Variants in PNLIPRP3 observed in about 807,000 individuals in gnomAD.
The protein encoded by PNLIPRP3 is pancreatic lipase related protein 3, also known as pancreatic lipase-related protein 3.
PNLIPRP3 carries 58 observed loss-of-function variants against 52.8 expected under a neutral mutation model. That is an observed-to-expected ratio of 1.10 (90% CI 0.89 to 1.37). The LOEUF is 1.37. PNLIPRP3 is among the 40% of genes most tolerant of loss of function. The pLI is 0.00. For synonymous variants in PNLIPRP3, 192 were observed against 185.0 expected, an observed-to-expected ratio of 1.04 and a Z score of -0.31; for missense variants, 593 against 561.6, an observed-to-expected ratio of 1.06 and a Z score of -0.57.
At chr10:116,444,034 A>T (rs1408985334) in intron 3 of PNLIPRP3, among the ~76,000 whole-genome samples, 7 of 151,862 alleles carry the variant, frequency 4.6e-5, no homozygotes, top group Non-Finnish European at 7.4e-5. Context: ...GGAAACTTAC[A>T]ATCACGGCGG....
At chr10:116,457,335 T>C (rs1846129622) in intron 5 of PNLIPRP3, among the ~76,000 whole-genome samples, 1 of 151,876 alleles carries the variant, frequency 6.6e-6, no homozygotes, top group Admixed American at 6.6e-5. Context: ...ACTGCTGTGC[T>C]CTGTGTGCAT....
At chr10:116,434,819 A>G (rs927624305) in intron 1 of PNLIPRP3, among the ~76,000 whole-genome samples, 2 of 152,216 alleles carry the variant, frequency 1.3e-5, no homozygotes, top group Non-Finnish European at 2.9e-5. Flanking sequence ...AAATTAGAAA[A>G]GGATCAGAAT....
At chr10:116,455,662 AT>A in intron 4 of PNLIPRP3, 59 bp from the exon 5 acceptor site, 1 of 1,204,910 alleles carries the variant, frequency 8.3e-7, no homozygotes, top group African/African-American at 1.5e-5. Flanking sequence ...TTTTTAAAGC[AT>A]ATTTAAGCTA....
At chr10:116,464,758 C>G (rs558131319) in intron 7 of PNLIPRP3, among the ~76,000 whole-genome samples, 1 of 152,226 alleles carries the variant, frequency 6.6e-6, no homozygotes, top group African/African-American at 2.4e-5. Context: ...GAGGTCTAAG[C>G]CCCCAGGAAA....
intron 10 of PNLIPRP3, among the ~76,000 whole-genome samples, chr10:116,473,943 G>A (rs1846416240): frequency 1.4e-5 from 1 of 73,590 alleles, no homozygotes; most frequent in South Asian, 6.2e-4. Context: ...AAATTCATAT[G>A]GAACCAAAAA....
chr10:116,439,796 C>T, intron 2 of PNLIPRP3: 1 of 774,094 alleles, frequency 1.3e-6, no homozygotes, highest in Non-Finnish European at 2.4e-6. Context: ...TTCTTCTTGC[C>T]TCCCTTAGCT....
In PNLIPRP3 at chr10:116,433,439, A is replaced by G. The variant is rs552585392; in HGVS notation, c.50-3272A>G. Among the ~76,000 whole-genome samples the G allele has an allele frequency of 4.8e-4, 73 of 152,328 alleles. 1 individual carries two copies. Among genetic ancestry groups the G allele is most frequent in the African/African-American group, 1.7e-3 (69 of 41,578 alleles). ...AAGAGGTACAAATGGCTAGAAATGC[A>G]CAAAAGGATATTCAAAGTTTCTGAT... On this transcript the variant is annotated intron_variant, in intron 1 of 11. Transcript: ENST00000369230.
intron 8 of PNLIPRP3, among the ~76,000 whole-genome samples, chr10:116,468,462 T>C (rs2133153704): frequency 6.6e-6 from 1 of 152,306 alleles, no homozygotes; most frequent in South Asian, 2.1e-4. Context: ...CTTGTCCGCG[T>C]GATTCAGGGA....
At chr10:116,439,386 A>G in intron 2 of PNLIPRP3, 1 of 523,758 alleles carries the variant, frequency 1.9e-6, no homozygotes, top group Non-Finnish European at 3.5e-6. Context: ...GACACTTCTC[A>G]GATAAGAAAT....
At position 116,446,211 on chromosome 10, in the gene PNLIPRP3, TG is replaced by T. The variant is rs1589979675; in HGVS notation, c.456+1700del. Among the ~76,000 whole-genome samples the T allele has an allele frequency of 2.0e-5, 3 of 151,964 alleles. No individual in the cohort carries two copies. The East Asian group carries it at 5.8e-4, about 30-fold the overall frequency. On this transcript the variant is annotated intron_variant, in intron 4 of 11. Coordinates refer to ENST00000369230, the MANE Select transcript of PNLIPRP3 (RefSeq NM_001011709.3). The stretch of plus-strand genomic sequence containing the variant: ...AATACAAAAAATTAGCTGGGTGTGT[TG>T]GCGGGCACCTGTAGTCCCAGCTACT...
intron 10 of PNLIPRP3, among the ~76,000 whole-genome samples, chr10:116,474,705 A>G (rs1401072050): frequency 6.6e-6 from 1 of 152,222 alleles, no homozygotes; most frequent in Non-Finnish European, 1.5e-5. Flanking sequence ...AAAAAAGCTC[A>G]ACATCACTGA....
intron 1 of PNLIPRP3, among the ~76,000 whole-genome samples, chr10:116,431,751 C>T (rs1845712024): frequency 6.6e-6 from 1 of 152,104 alleles, no homozygotes; most frequent in African/African-American, 2.4e-5. Context: ...CAGAGTAAGT[C>T]ATTGTGGAGC....
At chr10:116,429,320 A>G (rs1029150526) in intron 1 of PNLIPRP3, among the ~76,000 whole-genome samples, 8 of 152,216 alleles carry the variant, frequency 5.3e-5, no homozygotes. Flanking sequence ...ATATGCAAAC[A>G]TTCCAAAACA....
chr10:116,446,025 A>T (rs1845943001), intron 4 of PNLIPRP3, among the ~76,000 whole-genome samples: 1 of 152,112 alleles, frequency 6.6e-6, no homozygotes, highest in Non-Finnish European at 1.5e-5. Context: ...ATATAAGGAG[A>T]TAGGAAAGAA....
At chr10:116,475,499 G>C (rs1846449479) in intron 10 of PNLIPRP3, among the ~76,000 whole-genome samples, 2 of 152,142 alleles carry the variant, frequency 1.3e-5, no homozygotes, top group South Asian at 4.1e-4. Flanking sequence ...TGCAATGTAT[G>C]GGCAATGAGT....
chr10:116,475,140 G>T (rs1055299798), intron 10 of PNLIPRP3, among the ~76,000 whole-genome samples: 3 of 152,188 alleles, frequency 2.0e-5, no homozygotes, highest in Non-Finnish European at 2.9e-5. Flanking sequence ...GCAGGAACAT[G>T]GATGGAGCTG....
chr10:116,477,128 T>C lies in PNLIPRP3; in HGVS notation c.1379T>C (p.Ile460Thr), dbSNP rs1846483624. The C allele has an allele frequency of 1.3e-6, 2 of 1,598,120 alleles. No homozygotes were observed. Among genetic ancestry groups the C allele is most frequent in the African/African-American group, 2.7e-5 (2 of 74,602 alleles). Residue 460 changes from isoleucine to threonine, a missense_variant, in exon 12 of 12, where the codon ATT (isoleucine) becomes ACT (threonine). Transcript: ENST00000369230. ...FCSQDIMGPN[I>T]LQNLKPC is the part of the protein sequence containing the mutation. ...AGCCAAGACATTATGGGACCTAATA[T>C]TCTCCAGAACCTGAAACCATGCTAA...
At chr10:116,464,695 C>A (rs975848114) in intron 7 of PNLIPRP3, among the ~76,000 whole-genome samples, 2 of 152,218 alleles carry the variant, frequency 1.3e-5, no homozygotes, top group South Asian at 4.1e-4. Flanking sequence ...AACCACGCAG[C>A]CCCAAAGGGG....
rs750912235 is a variant in PNLIPRP3 at position 116,466,056 on chromosome 10, C to T, written c.815C>T (p.Ala272Val). ...TTGGGAATTGTTTTCACAGAAATGG[C>T]TTCCTTCTTTGACTGTAACCATGCC... ...FNFNAYKKEM[A>V]SFFDCNHARS... Residue 272 changes from alanine to valine, a missense_variant, in exon 8 of 12, where the codon GCT becomes GTT. Coordinates refer to ENST00000369230, the MANE Select transcript of PNLIPRP3 (RefSeq NM_001011709.3). 2.5e-6 allele frequency: 4 copies of T among 1,611,080 alleles called. No individual in the cohort carries two copies. In the East Asian group the frequency reaches 8.9e-5, roughly 36 times the overall value.
Sources: gnomAD v4.1 joint callset for allele counts (sites outside exome capture counted in the v4.1 genomes callset) on GRCh38, gnomAD v4.1.1 for gene constraint, MANE v1.5 for transcripts, NCBI Gene and HGNC (gene_info 2026-07-23, HGNC 2026-07-21) for gene names.